Variants in VWF observed in about 807,000 individuals in gnomAD.
The protein encoded by VWF is Factor VIII related antigen.
A neutral mutation model predicts 308.6 loss-of-function variants in VWF; 176 were observed. The observed-to-expected ratio is 0.57, with a 90% CI of 0.50 to 0.65. The LOEUF (loss-of-function observed/expected upper bound fraction) is 0.65, where lower values mean the gene tolerates loss of function less well. VWF is among the 30% of genes least tolerant of loss of function. The pLI, the probability that VWF is intolerant of heterozygous loss-of-function variation, is 0.00. For synonymous variants in VWF, 1,385 were observed against 1,443.4 expected (o/e 0.96, Z 0.92); for missense variants, 3,146 against 3,648.2 (o/e 0.86, Z 3.55).
Position 6,060,306 on chromosome 12 carries a change from G to GCTGGAGCCTTGCTGC in VWF, c.1534-2277_1534-2263dup. Among the ~76,000 whole-genome samples, 1 of 152,132 alleles carries GCTGGAGCCTTGCTGC rather than the reference G, an allele frequency of 6.6e-6. No individual in the cohort carries two copies. Among genetic ancestry groups the GCTGGAGCCTTGCTGC allele is most frequent in the Non-Finnish European group, 1.5e-5 (1 of 68,004 alleles). On this transcript the variant is annotated intron_variant, in intron 13 of 51. Transcript: ENST00000261405. This position sits in a 1 kb window ranked among gnomAD's most constrained non-coding sequence, Gnocchi z 5.1. ...CACACAGAGGATGTGATTTCTGCTG[G>GCTGGAGCCTTGCTGC]CTGGAGCCTTGCTGCCTGGACCGCC...
chr12:5,975,563 G>GAAAATC (rs1453296133), intron 43 of VWF, among the ~76,000 whole-genome samples: 1 of 152,138 alleles, frequency 6.6e-6, no homozygotes, highest in Non-Finnish European at 1.5e-5. Flanking sequence ...AACATGGTCT[G>GAAAATC]AAAATCAACA....
At position 6,044,352 on chromosome 12, in the gene VWF, T is replaced by G. The variant is rs759648147; in HGVS notation, c.2381A>C (p.Asn794Thr). ...EGLECTKTCQ[N>T]YDLECMSMGC... Reference sequence around the variant, plus strand: ...CATGCTCATGCACTCCAGGTCATAGTTCTGGCACGTTTTGGTACACTCGAG... The same window carrying G: ...CATGCTCATGCACTCCAGGTCATAGGTCTGGCACGTTTTGGTACACTCGAG... Residue 794 changes from asparagine to threonine, a missense_variant, in exon 18 of 52, where the codon AAC becomes ACC. By Grantham distance (65) the Asn-to-Thr change is moderately conservative (BLOSUM62 0). This residue lies in a region of VWF where 1,304 missense variants were observed against 1,353.0 expected (regional missense o/e 0.96). Transcript: ENST00000261405. The G allele has an allele frequency of 7.4e-6, 12 of 1,614,078 alleles. No individual in the cohort carries two copies. Among genetic ancestry groups the G allele is most frequent in the Non-Finnish European group, 9.3e-6 (11 of 1,180,032 alleles).
At chr12:6,105,443 G>C (rs1945231504) in intron 5 of VWF, among the ~76,000 whole-genome samples, 1 of 152,080 alleles carries the variant, frequency 6.6e-6, no homozygotes, top group African/African-American at 2.4e-5. Flanking sequence ...GGCCAGGCTG[G>C]TCTTGAACTT....
At chr12:6,111,466 G>T (rs568225572) in intron 3 of VWF, among the ~76,000 whole-genome samples, 20 of 152,244 alleles carry the variant, frequency 1.3e-4, no homozygotes, top group African/African-American at 3.9e-4. Flanking sequence ...TCTGCCTCCT[G>T]GGCCCAGGTT....
chr12:6,055,998 T>C (rs1278122236), intron 15 of VWF, among the ~76,000 whole-genome samples: 3 of 151,804 alleles, frequency 2.0e-5, no homozygotes, highest in Non-Finnish European at 4.4e-5. Context: ...CAGAATATAC[T>C]CGTCACTTCT....
intron 44 of VWF, 38 bp downstream of exon 44, chr12:5,971,561 A>C (rs1249449977): frequency 8.3e-6 from 13 of 1,561,606 alleles, no homozygotes; most frequent in Non-Finnish European, 1.1e-5. Flanking sequence ...GAGTGGCCCC[A>C]ATCTGCCCTC....
rs1945210883 is a variant in VWF, at chr12:6,103,794, G to A, written c.532+6580C>T. 3.3e-5 allele frequency among the ~76,000 whole-genome samples: 5 copies of A among 151,866 alleles called. No individual in the cohort carries two copies. In the South Asian group the frequency reaches 1.0e-3, roughly 32 times the overall value. ...AGATGTATTAAAGACTTGAATGTAA[G>A]GTCTGAAACTATAAAAATCCTAGAA... On this transcript the variant is annotated intron_variant, in intron 5 of 51. Coordinates refer to ENST00000261405, the MANE Select transcript of VWF (RefSeq NM_000552.5).
chr12:6,032,935 C>T (rs1456710658), intron 20 of VWF, among the ~76,000 whole-genome samples: 3 of 151,902 alleles, frequency 2.0e-5, no homozygotes, highest in South Asian at 2.1e-4. Flanking sequence ...CACGCGCTCA[C>T]GCATACACAC....
chr12:5,984,988 G>A, intron 40 of VWF, 57 bp downstream of exon 40: 1 of 1,572,254 alleles, frequency 6.4e-7, no homozygotes, highest in Non-Finnish European at 8.8e-7. Flanking sequence ...CCTTCAACGT[G>A]GTGCCCCCTG....
At chr12:6,012,214 G>A in intron 32 of VWF, 84 bp from the exon 33 acceptor site, 6 of 1,468,544 alleles carry the variant, frequency 4.1e-6, no homozygotes, top group Non-Finnish European at 5.7e-6. Flanking sequence ...TAAGCAACCT[G>A]GTCTAGTTTT....
rs374443565 is a variant in VWF, at chr12:6,046,707, G to C, written c.2281+16C>G. On this transcript the variant is annotated intron_variant, in intron 17 of 51. Coordinates refer to ENST00000261405, the MANE Select transcript of VWF (RefSeq NM_000552.5). The surrounding 1 kb of genome is among the most constrained non-coding windows in gnomAD (Gnocchi z 5.0). ...CAGGATGGAGTCAATGGGCCTTCCA[G>C]GGGGACAGTACTCACTGCGATGAGA... is the stretch of plus-strand genomic sequence containing the variant. 1 of 1,612,996 alleles carries C rather than the reference G, an allele frequency of 6.2e-7. No homozygotes were observed. Among genetic ancestry groups the C allele is most frequent in the Non-Finnish European group, 8.5e-7 (1 of 1,179,058 alleles).
chr12:6,095,101 G>A (rs1189557221), intron 6 of VWF, among the ~76,000 whole-genome samples: 1 of 151,906 alleles, frequency 6.6e-6, no homozygotes, highest in African/African-American at 2.4e-5. Context: ...CCCGGCTTCA[G>A]GTCACAGCAA....
intron 6 of VWF, among the ~76,000 whole-genome samples, chr12:6,091,679 G>T (rs1945036322): frequency 6.6e-6 from 1 of 152,126 alleles, no homozygotes; most frequent in African/African-American, 2.4e-5. Context: ...GAGCAGCTGG[G>T]TCTACAGGTA....
intron 6 of VWF, among the ~76,000 whole-genome samples, chr12:6,081,974 T>G (rs970708320): frequency 1.1e-4 from 16 of 140,768 alleles, no homozygotes; most frequent in African/African-American, 3.7e-4. Flanking sequence ...AAATATGGTG[T>G]TTTTTTTTTT....
chr12:6,049,577 T>C (rs1245041405), intron 16 of VWF, among the ~76,000 whole-genome samples: 1 of 152,218 alleles, frequency 6.6e-6, no homozygotes, highest in East Asian at 1.9e-4. Context: ...CCGTCTATTC[T>C]CACTGTAATA....
chr12:5,983,966 GGATA>G (rs1380564332), intron 40 of VWF, among the ~76,000 whole-genome samples: 50 of 127,998 alleles, frequency 3.9e-4, no homozygotes, highest in African/African-American at 1.5e-4. Context: ...TAGGATGGAT[GGATA>G]GATGGATAGA....
chr12:5,971,912 G>A (rs1305530518), intron 43 of VWF, among the ~76,000 whole-genome samples: 1 of 152,224 alleles, frequency 6.6e-6, no homozygotes, highest in Non-Finnish European at 1.5e-5. Context: ...TACATCAGCT[G>A]CAGAGATATA....
intron 40 of VWF, among the ~76,000 whole-genome samples, chr12:5,983,974 G>GGATAGATA (rs71064178): frequency 0.074 from 9,800 of 132,288 alleles, 376 homozygotes; most frequent in Non-Finnish European, 0.084. Context: ...ATGGATAGAT[G>GGATAGATA]GATAGATAGA....
In VWF at chr12:5,997,270, T is replaced by G. The variant is rs1943817116; in HGVS notation, c.5843-1048A>C. On this transcript the variant is annotated intron_variant, in intron 34 of 51. Transcript: ENST00000261405. ...ACAGTACTGAATACTACTGGCTTAC[T>G]AACATCCATGCTGCAAGTGATCCCC... Among the ~76,000 whole-genome samples the G allele has an allele frequency of 2.0e-5, 3 of 152,208 alleles. No homozygotes were observed. The South Asian group carries it at 6.2e-4, about 32-fold the overall frequency.
Sources: gnomAD v4.1 joint callset for allele counts (sites outside exome capture counted in the v4.1 genomes callset) on GRCh38, gnomAD v4.1.1 for gene constraint, gnomAD v4.1.1 regional missense constraint, Gnocchi (gnomAD v3.1) non-coding constraint, MANE v1.5 for transcripts, NCBI Gene and HGNC (gene_info 2026-07-23, HGNC 2026-07-21) for gene names.